Variants in PPA2 observed in about 807,000 individuals in gnomAD.
PPA2 encodes inorganic pyrophosphatase 2, also known as inorganic pyrophosphatase 2, mitochondrial.
PPA2 carries 48 observed loss-of-function variants against 49.5 expected under a neutral mutation model. The observed-to-expected ratio is 0.97, with a 90% CI of 0.77 to 1.23. The LOEUF is 1.23. Ranked by LOEUF, PPA2 falls within the 50% of genes most tolerant of loss-of-function variation. The probability of loss-of-function intolerance (pLI) is 0.00; values close to 1 mark genes in which losing one functional copy is unlikely to be tolerated. For missense variants in PPA2, 429 were observed against 410.1 expected (o/e 1.05, Z -0.40); for synonymous variants, 131 against 139.9 (o/e 0.94, Z 0.45).
Position 105,456,753 on chromosome 4 carries a change from G to T in PPA2, c.158-8C>A. On this transcript the variant is annotated splice_region_variant and splice_polypyrimidine_tract_variant and intron_variant, in intron 1 of 11. Transcript: ENST00000341695. ...AGTGACCAGTTACATTCTCTGCAAA[G>T]ACACAAACAAACAAAACAAAACAGA... 6.3e-7 allele frequency: 1 copy of T among 1,595,170 alleles called. No individual in the cohort carries two copies. Among genetic ancestry groups the T allele is most frequent in the South Asian group, 1.1e-5 (1 of 89,128 alleles).
intron 5 of PPA2, among the ~76,000 whole-genome samples, chr4:105,445,162 G>C (rs1244091861): frequency 6.6e-6 from 1 of 152,062 alleles, no homozygotes; most frequent in Non-Finnish European, 1.5e-5. Context: ...ATAAATACAT[G>C]CACCTTAGTT....
chr4:105,399,052 T>C lies in PPA2; in HGVS notation c.768A>G (p.Gly256=), dbSNP rs1004634576. ...GKPENQFAFN[G]EFKNKAFALE... ...TCATCTTCACCTTGTTTTTGAATTC[T>C]CCATTAAAAGCAAACTGGTTTTCTG... The change falls in exon 8 of 12, where the codon GGA becomes GGG. Residue 256 remains glycine, a synonymous_variant. Coordinates refer to ENST00000341695, the MANE Select transcript of PPA2 (RefSeq NM_176869.3). The C allele has an allele frequency of 6.2e-7, 1 of 1,609,336 alleles. No individual in the cohort carries two copies. Among genetic ancestry groups the C allele is most frequent in the Admixed American group, 1.7e-5 (1 of 59,238 alleles).
intron 1 of PPA2, among the ~76,000 whole-genome samples, chr4:105,469,889 A>C (rs1329416619): frequency 6.6e-6 from 1 of 152,238 alleles, no homozygotes; most frequent in Admixed American, 6.5e-5. Flanking sequence ...TTTAAGTCCA[A>C]AGATACAGCA....
At chr4:105,449,966 C>T (rs1722596833) in intron 3 of PPA2, among the ~76,000 whole-genome samples, 1 of 152,112 alleles carries the variant, frequency 6.6e-6, no homozygotes, top group South Asian at 2.1e-4. Context: ...AAGAGCTACA[C>T]TAAATATTCC....
At chr4:105,424,500 T>A (rs1461991008) in intron 6 of PPA2, among the ~76,000 whole-genome samples, 178 bp from the exon 7 acceptor site, 1 of 152,188 alleles carries the variant, frequency 6.6e-6, no homozygotes, top group African/African-American at 2.4e-5. Context: ...GAGTTAACTT[T>A]CTCAAAATTT....
intron 1 of PPA2, among the ~76,000 whole-genome samples, chr4:105,462,406 C>A (rs1445690601): frequency 6.6e-6 from 1 of 152,176 alleles, no homozygotes; most frequent in Non-Finnish European, 1.5e-5. Flanking sequence ...CAAAGCAATG[C>A]AGGTCCATGA....
chr4:105,421,768 C>T (rs1416362397), intron 7 of PPA2, among the ~76,000 whole-genome samples: 1 of 152,110 alleles, frequency 6.6e-6, no homozygotes, highest in Non-Finnish European at 1.5e-5. Flanking sequence ...ACTTGCTGGG[C>T]ATGGTGGCTC....
intron 8 of PPA2, among the ~76,000 whole-genome samples, chr4:105,396,756 C>G (rs1257506958): frequency 1.3e-5 from 2 of 152,080 alleles, no homozygotes; most frequent in African/African-American, 4.8e-5. Flanking sequence ...CTATATGACC[C>G]ATTACAGAAA....
At chr4:105,389,063 T>A (rs2636727) in intron 9 of PPA2, among the ~76,000 whole-genome samples, 16,454 of 152,196 alleles carry the variant, frequency 0.11, 1,406 homozygotes, top group East Asian at 0.43. Context: ...AACATATATG[T>A]ATGTAAATAT....
rs58616324 is a variant in PPA2, at chr4:105,473,221, A to ACCCC, written c.157+669_157+672dup. On this transcript the variant is annotated intron_variant, in intron 1 of 11. Coordinates refer to ENST00000341695, the MANE Select transcript of PPA2 (RefSeq NM_176869.3). The stretch of plus-strand genomic sequence containing the variant: ...TTTCTCTGAGCTCGGCAACTCAGGG[A>ACCCC]CCCCCCCGAAGTCGCTTAGCCTTCT... 3.1e-3 allele frequency: 518 copies of ACCCC among 164,896 alleles called. 3 individuals are homozygous for ACCCC. The highest frequency in any genetic ancestry group is 0.01 in the African/African-American group (433 of 41,252). 10.2% of individuals were successfully genotyped at this position (164,896 alleles called of 1,614,324 possible).
At chr4:105,416,660 T>C (rs1299917240) in intron 7 of PPA2, among the ~76,000 whole-genome samples, 1 of 152,204 alleles carries the variant, frequency 6.6e-6, no homozygotes, top group Non-Finnish European at 1.5e-5. Context: ...GTATCACAAA[T>C]AGAGGTCCCT....
At chr4:105,439,213 T>C (rs771368397) in intron 5 of PPA2, among the ~76,000 whole-genome samples, 5 of 152,122 alleles carry the variant, frequency 3.3e-5, no homozygotes, top group Non-Finnish European at 7.4e-5. Context: ...ACGAATTCCA[T>C]TTTATAGATA....
intron 7 of PPA2, among the ~76,000 whole-genome samples, chr4:105,414,425 T>G (rs1296218501): frequency 6.6e-6 from 1 of 152,182 alleles, no homozygotes; most frequent in Non-Finnish European, 1.5e-5. Context: ...TGCGCTCCGC[T>G]CGTGCTAAGC....
chr4:105,460,328 C>T (rs892753417), intron 1 of PPA2, among the ~76,000 whole-genome samples: 2 of 151,922 alleles, frequency 1.3e-5, no homozygotes, highest in Non-Finnish European at 2.9e-5. Context: ...TTCTTTCCAC[C>T]CTCCCCCACC....
chr4:105,451,776 C>G (rs930058277), intron 3 of PPA2, among the ~76,000 whole-genome samples: 9 of 152,306 alleles, frequency 5.9e-5, no homozygotes, highest in African/African-American at 2.2e-4. Context: ...AATTTTAAGC[C>G]TGCAAACCAC....
intron 7 of PPA2, among the ~76,000 whole-genome samples, chr4:105,416,517 C>A (rs1449088908): frequency 6.6e-6 from 1 of 152,164 alleles, no homozygotes; most frequent in African/African-American, 2.4e-5. Context: ...AAATGTTGCT[C>A]CCACAGAACT....
intron 7 of PPA2, 108 bp from the exon 8 acceptor site, chr4:105,399,272 C>G (rs1734265300): frequency 9.4e-7 from 1 of 1,067,836 alleles, no homozygotes; most frequent in African/African-American, 1.6e-5. Flanking sequence ...CCAGTCTAAC[C>G]AGAAGCACAA....
At chr4:105,379,451 AGATAGATAGATAGAT>A (rs1249190618) in intron 10 of PPA2, among the ~76,000 whole-genome samples, 3 of 101,710 alleles carry the variant, frequency 2.9e-5, no homozygotes, top group South Asian at 7.3e-4. Context: ...ATAGATAGAT[AGATAGATAGATAGAT>A]ATCTCAAGCA....
chr4:105,416,172 A>C (rs900819967), intron 7 of PPA2, among the ~76,000 whole-genome samples: 5 of 152,220 alleles, frequency 3.3e-5, no homozygotes, highest in Non-Finnish European at 5.9e-5. Flanking sequence ...CCGCTTTCAC[A>C]AATTGAGGGC....
Sources: gnomAD v4.1 joint callset for allele counts (sites outside exome capture counted in the v4.1 genomes callset) on GRCh38, gnomAD v4.1.1 for gene constraint, MANE v1.5 for transcripts, NCBI Gene and HGNC (gene_info 2026-07-23, HGNC 2026-07-21) for gene names.